The following EDIL3 variants were observed in gnomAD, a reference collection of about 807,000 sequenced individuals.
EDIL3 encodes the protein EGF like and discoidin domains 3.
Under a neutral mutation model 67.4 loss-of-function variants are expected in EDIL3, and 37 were observed. The ratio of observed to expected loss-of-function variants is 0.55; its 90% CI spans 0.42 to 0.72. The LOEUF (loss-of-function observed/expected upper bound fraction) is 0.72. Among genes scored for constraint, EDIL3 ranks in the 30% least tolerant of loss-of-function variants. The pLI is 0.00. For synonymous variants in EDIL3, 195 were observed against 196.3 expected (o/e 0.99, Z 0.05); for missense variants, 527 against 586.3 (o/e 0.90, Z 1.04).
At chr5:84,294,278 G>A (rs186897615) in intron 1 of EDIL3, among the ~76,000 whole-genome samples, 9 of 151,394 alleles carry the variant, frequency 5.9e-5, no homozygotes, top group African/African-American at 1.5e-4. Flanking sequence ...CCAGCTACTC[G>A]GGAGGCTGAC....
intron 5 of EDIL3, among the ~76,000 whole-genome samples, chr5:84,115,553 A>T (rs1185804347): frequency 1.3e-5 from 2 of 152,338 alleles, no homozygotes; most frequent in African/African-American, 4.8e-5. Context: ...GATAATTCAC[A>T]AAAGTTGACA....
At chr5:84,201,580 C>CTGGAA (rs201207135) in intron 3 of EDIL3, among the ~76,000 whole-genome samples, 1,582 of 152,060 alleles carry the variant, frequency 0.01, 33 homozygotes, top group African/African-American at 0.036. Context: ...TTGTCTTACC[C>CTGGAA]AGTATTAGTA....
At chr5:84,183,740 C>T (rs1301641229) in intron 3 of EDIL3, among the ~76,000 whole-genome samples, 2 of 152,162 alleles carry the variant, frequency 1.3e-5, no homozygotes, top group Non-Finnish European at 2.9e-5. Context: ...TTCACACTTA[C>T]AGGGTTGGAC....
Position 84,319,243 on chromosome 5 carries a change from C to T in EDIL3, c.68-65031G>A, listed in dbSNP as rs1413973187. ...ATCCCAGCACTTTGGGAGGCCGAGG[C>T]GGGCGGATCACGAGGTCAGGAGATC... is the stretch of plus-strand genomic sequence containing the variant. On this transcript the variant is annotated intron_variant, in intron 1 of 10. Coordinates refer to ENST00000296591, the MANE Select transcript of EDIL3 (RefSeq NM_005711.5). 9.9e-5 allele frequency among the ~76,000 whole-genome samples: 8 copies of T among 80,784 alleles called. 1 individual carries two copies. The highest frequency in any genetic ancestry group is 9.9e-4 in the East Asian group (4 of 4,044). 53.0% of individuals were successfully genotyped at this position (80,784 alleles called of 152,430 possible).
In EDIL3 at chr5:83,949,133, G is replaced by T. The variant is rs1744363477; in HGVS notation, c.1294-5565C>A. ...AAGTGTCTATATTGATCATCAGTCT[G>T]CAGAATGAGCTGGGGGATCAGCCTT... is the stretch of plus-strand genomic sequence containing the variant. On this transcript the variant is annotated intron_variant, in intron 10 of 10. Coordinates refer to ENST00000296591, the MANE Select transcript of EDIL3 (RefSeq NM_005711.5). Among the ~76,000 whole-genome samples the T allele has an allele frequency of 2.0e-5, 3 of 151,754 alleles. No homozygotes were observed. The South Asian group carries it at 6.2e-4, about 31-fold the overall frequency.
intron 8 of EDIL3, among the ~76,000 whole-genome samples, chr5:84,062,050 A>C (rs529818356): frequency 6.6e-6 from 1 of 152,212 alleles, no homozygotes; most frequent in African/African-American, 2.4e-5. Context: ...ATCCTATGAA[A>C]ACATGGAAAA....
intron 4 of EDIL3, among the ~76,000 whole-genome samples, chr5:84,137,584 T>C (rs1321230603): frequency 1.3e-5 from 2 of 152,166 alleles, no homozygotes; most frequent in Non-Finnish European, 2.9e-5. Context: ...GAAAGGCCAA[T>C]GGAACTAAAC....
intron 9 of EDIL3, among the ~76,000 whole-genome samples, chr5:84,021,507 T>A (rs777959789): frequency 6.6e-6 from 1 of 152,014 alleles, no homozygotes; most frequent in African/African-American, 2.4e-5. Context: ...GTATATATAG[T>A]TTCCAAAGTT....
intron 3 of EDIL3, among the ~76,000 whole-genome samples, chr5:84,183,192 C>G (rs186861570): frequency 6.6e-6 from 1 of 152,018 alleles, no homozygotes; most frequent in East Asian, 1.9e-4. Flanking sequence ...TTCTCTTTTA[C>G]AGTTTTTTTT....
chr5:83,957,662 GA>G (rs879884434), intron 10 of EDIL3, among the ~76,000 whole-genome samples: 5 of 151,630 alleles, frequency 3.3e-5, no homozygotes, highest in Non-Finnish European at 4.4e-5. Context: ...AAGGACCAGG[GA>G]CTCTTTTCTT....
At chr5:83,972,939 T>C (rs1156915106) in intron 9 of EDIL3, among the ~76,000 whole-genome samples, 2 of 152,104 alleles carry the variant, frequency 1.3e-5, no homozygotes, top group African/African-American at 4.8e-5. Context: ...TAATTTTAGT[T>C]ATAAGTAACT....
At chr5:84,243,311 A>C (rs1744835141) in intron 2 of EDIL3, among the ~76,000 whole-genome samples, 1 of 152,216 alleles carries the variant, frequency 6.6e-6, no homozygotes, top group Admixed American at 6.5e-5. Context: ...TGTGGAAAGT[A>C]ATACAGCTGG....
intron 1 of EDIL3, among the ~76,000 whole-genome samples, chr5:84,382,476 C>A (rs1469104188): frequency 6.6e-6 from 1 of 152,144 alleles, no homozygotes; most frequent in African/African-American, 2.4e-5. Flanking sequence ...CTCTACCCCG[C>A]GCCGCCCTCC....
At chr5:84,196,738 T>C (rs1258041767) in intron 3 of EDIL3, 1 of 152,036 alleles carries the variant, frequency 6.6e-6, no homozygotes, top group East Asian at 1.9e-4. Context: ...TAGTCCTACA[T>C]TATTCCAGAT....
chr5:84,241,942 C>T (rs1043094115), intron 2 of EDIL3, among the ~76,000 whole-genome samples: 7 of 151,654 alleles, frequency 4.6e-5, no homozygotes, highest in East Asian at 1.9e-4. Context: ...CAAAAGCAGC[C>T]GGGCGCGGTG....
At chr5:84,209,653 T>C (rs1744072740) in intron 3 of EDIL3, among the ~76,000 whole-genome samples, 1 of 151,798 alleles carries the variant, frequency 6.6e-6, no homozygotes, top group African/African-American at 2.4e-5. Context: ...AAAGAAAAAC[T>C]TGACTCTTTC....
rs754293245 is a variant in EDIL3 at position 84,372,848 on chromosome 5, CAATT to C, written c.67+11456_67+11459del. Among the ~76,000 whole-genome samples, 13 of 152,058 alleles carry C rather than the reference CAATT, an allele frequency of 8.5e-5. No homozygotes were observed. The East Asian group carries it at 1.5e-3, about 18-fold the overall frequency. ...AAGCATTGATCTTAATGAGATACAT[CAATT>C]ATTATTAAGATTGTAATGTGTCAAA... On this transcript the variant is annotated intron_variant, in intron 1 of 10. Coordinates refer to ENST00000296591, the MANE Select transcript of EDIL3 (RefSeq NM_005711.5).
intron 1 of EDIL3, among the ~76,000 whole-genome samples, chr5:84,342,016 C>G (rs1202122539): frequency 6.6e-6 from 1 of 151,926 alleles, no homozygotes; most frequent in Non-Finnish European, 1.5e-5. Flanking sequence ...GGTATCTATG[C>G]AAAGGAAAAT....
chr5:84,349,270 T>C (rs1342382256), intron 1 of EDIL3, among the ~76,000 whole-genome samples: 3 of 152,194 alleles, frequency 2.0e-5, no homozygotes, highest in East Asian at 1.9e-4. Context: ...AGGAGTTTAA[T>C]TGACAATAGC....
Sources: gnomAD v4.1 joint callset for allele counts (sites outside exome capture counted in the v4.1 genomes callset) on GRCh38, gnomAD v4.1.1 for gene constraint, MANE v1.5 for transcripts, NCBI Gene and HGNC (gene_info 2026-07-23, HGNC 2026-07-21) for gene names.